The following FAT1 variants were observed in gnomAD, a reference collection of about 807,000 sequenced individuals.
FAT1 encodes the protein protocadherin Fat 1.
FAT1 carries 171 observed loss-of-function variants against 329.8 expected under a neutral mutation model. The ratio of observed to expected loss-of-function variants is 0.52; its 90% CI spans 0.46 to 0.59. FAT1 has a LOEUF of 0.59. FAT1 is among the 20% of genes least tolerant of loss of function. FAT1 has a pLI of 0.00. For missense variants in FAT1, 5,672 were observed against 5,774.4 expected (o/e 0.98, Z 0.57); for synonymous variants, 2,233 against 2,228.6 (o/e 1.00, Z -0.06).
intron 3 of FAT1, among the ~76,000 whole-genome samples, chr4:186,641,577 TC>T (rs1741098894): frequency 6.6e-6 from 1 of 152,212 alleles, no homozygotes; most frequent in Non-Finnish European, 1.5e-5. Flanking sequence ...AAAACAGTAT[TC>T]TTCTGCAGAG....
intron 1 of FAT1, among the ~76,000 whole-genome samples, chr4:186,720,533 T>C (rs1206426798): frequency 3.9e-5 from 6 of 151,918 alleles, no homozygotes; most frequent in Non-Finnish European, 7.3e-5. Flanking sequence ...TCCCCTCTGA[T>C]TCACACTTCC....
chr4:186,592,419 G>A (rs1195552753), intron 26 of FAT1, among the ~76,000 whole-genome samples: 2 of 152,068 alleles, frequency 1.3e-5, no homozygotes, highest in Admixed American at 6.6e-5. Flanking sequence ...AATTACTTCT[G>A]AACTTTTTCT....
At position 186,603,692 on chromosome 4, in the gene FAT1, G is replaced by T. The variant is rs764024153; in HGVS notation, c.10834C>A (p.Leu3612Ile). Residue 3612 changes from leucine to isoleucine, a missense_variant, in exon 19 of 27, where the codon CTC (leucine) becomes ATC (isoleucine). By Grantham distance (5) the Leu-to-Ile change is conservative. Transcript: ENST00000441802. ...TTCCCATCTGTTACGCTGACATTGAGAAGGTATTGCCCTATGTCTAGCTTT... is the reference window on the plus strand; with the variant it reads ...TTCCCATCTGTTACGCTGACATTGATAAGGTATTGCCCTATGTCTAGCTTT... ...HKKLDIGQYL[L>I]NVSVTDGKFT... 7 of 1,614,022 alleles carry T rather than the reference G, an allele frequency of 4.3e-6. No homozygotes were observed. Among genetic ancestry groups the T allele is most frequent in the Non-Finnish European group, 5.9e-6 (7 of 1,179,896 alleles).
rs148127417 is a variant in FAT1, at chr4:186,590,105, T to C, written c.13139-885A>G. Among the ~76,000 whole-genome samples the C allele has an allele frequency of 3.4e-4, 52 of 151,700 alleles. No individual in the cohort carries two copies. In the East Asian group the frequency reaches 7.5e-3, roughly 22 times the overall value. On this transcript the variant is annotated intron_variant, in intron 26 of 26. Coordinates refer to ENST00000441802, the MANE Select transcript of FAT1 (RefSeq NM_005245.4). ...AAAGGACTGTGATCCTTTTAGACTA[T>C]ATAAAGCACCACTATTTTAAAAAAA...
intron 2 of FAT1, among the ~76,000 whole-genome samples, chr4:186,688,864 C>T (rs1330240033): frequency 6.6e-6 from 1 of 151,952 alleles, no homozygotes; most frequent in Non-Finnish European, 1.5e-5. Flanking sequence ...TCGTTTAAAC[C>T]CAAGGACACA....
At chr4:186,610,354 A>C (rs758872643) in intron 14 of FAT1, among the ~76,000 whole-genome samples, 10 of 151,860 alleles carry the variant, frequency 6.6e-5, no homozygotes, top group Non-Finnish European at 1.5e-4. Context: ...TAATCAACAA[A>C]ATAAAAACGT....
In FAT1 at chr4:186,617,885, T is replaced by A. The variant is rs1286789898; in HGVS notation, c.8701A>T (p.Thr2901Ser). The change falls in exon 10 of 27, where the codon ACA (threonine) becomes TCA (serine). Residue 2901 changes from threonine to serine, a missense_variant. By Grantham distance (58) the Thr-to-Ser change is moderately conservative. Coordinates refer to ENST00000441802, the MANE Select transcript of FAT1 (RefSeq NM_005245.4). The stretch of plus-strand genomic sequence containing the variant: ...GTGACGGTAACATCCACAATGGCTG[T>A]GGAGGATAGCTGGATCTTTTCACCA... ...DHGEKIQLSS[T>S]AIVDVTVTDV... is the part of the protein sequence containing the mutation. The A allele has an allele frequency of 6.2e-7, 1 of 1,614,002 alleles. No individual in the cohort carries two copies. The highest frequency in any genetic ancestry group is 8.5e-7 in the Non-Finnish European group (1 of 1,179,886).
chr4:186,588,855 G>A lies in FAT1; in HGVS notation c.13504C>T (p.Gln4502Ter), dbSNP rs2126351375. 1 of 1,613,990 alleles carries A rather than the reference G, an allele frequency of 6.2e-7. No individual in the cohort carries two copies. The highest frequency in any genetic ancestry group is 8.5e-7 in the Non-Finnish European group (1 of 1,179,880). ...NFYPLDMSEP[Q>*]TKGTGENSTC... is the part of the protein sequence containing the mutation. ...CTATTCTCACCAGTGCCTTTTGTTT[G>A]AGGTTCAGACATATCGAGGGGATAA... The change falls in exon 27 of 27, where the codon CAA (glutamine) becomes TAA (stop). Residue 4502 changes from glutamine (Q) to a stop codon, truncating the protein, a stop_gained. Coordinates refer to ENST00000441802, the MANE Select transcript of FAT1 (RefSeq NM_005245.4). LOFTEE classifies it high-confidence loss of function.
Position 186,707,812 on chromosome 4 carries a change from C to G in FAT1, c.2016G>C (p.Leu672Phe), listed in dbSNP as rs1352963831. 2.5e-6 allele frequency: 4 copies of G among 1,613,702 alleles called. No homozygotes were observed. Among genetic ancestry groups the G allele is most frequent in the Non-Finnish European group, 3.4e-6 (4 of 1,179,890 alleles). ...TVAASHKLVN[L>F]QCEETGVAKM... ...TGGCAACACCAGTCTCTTCACACTG[C>G]AAGTTTACCAGCTTGTGACTGGCAG... Residue 672 changes from leucine (L) to phenylalanine (F), a missense_variant, in exon 2 of 27, where the codon TTG becomes TTC. By Grantham distance (22) the Leu-to-Phe change is conservative. Coordinates refer to ENST00000441802, the MANE Select transcript of FAT1 (RefSeq NM_005245.4).
intron 2 of FAT1, among the ~76,000 whole-genome samples, chr4:186,706,332 C>A (rs1390752120): frequency 2.0e-5 from 3 of 152,144 alleles, no homozygotes; most frequent in African/African-American, 7.2e-5. Context: ...GTCTTTTACT[C>A]ACTTTACGCC....
At chr4:186,616,234 A>G (rs1739703745) in intron 11 of FAT1, among the ~76,000 whole-genome samples, 1 of 152,074 alleles carries the variant, frequency 6.6e-6, no homozygotes, top group Admixed American at 6.5e-5. Context: ...AAAAGGCTCC[A>G]AAGTCCCTAT....
In FAT1 at chr4:186,621,155, T is replaced by C. The variant is rs1740026085; in HGVS notation, c.5431A>G (p.Ile1811Val). 2.5e-6 allele frequency: 4 copies of C among 1,613,828 alleles called. No individual in the cohort carries two copies. The highest frequency in any genetic ancestry group is 2.7e-5 in the African/African-American group (2 of 74,946). ...KDSNALLVYH[I>V]VEPSVHTYFA... Reference sequence around the variant, plus strand: ...TATGTGTGTACAGATGGTTCAACAATGTGATATACAAGCAAAGCATTTGAG... The same window carrying C: ...TATGTGTGTACAGATGGTTCAACAACGTGATATACAAGCAAAGCATTTGAG... Residue 1811 changes from isoleucine to valine, a missense_variant, in exon 10 of 27, where the codon ATT becomes GTT. Around this residue, in one of 2 missense-constraint regions of FAT1, gnomAD observed 3,966 missense variants for 3,915.2 expected, o/e 1.01. Coordinates refer to ENST00000441802, the MANE Select transcript of FAT1 (RefSeq NM_005245.4).
intron 3 of FAT1, among the ~76,000 whole-genome samples, chr4:186,656,731 A>C (rs780174073): frequency 2.0e-5 from 3 of 152,198 alleles, no homozygotes; most frequent in African/African-American, 7.2e-5. Flanking sequence ...GTATTTCCAC[A>C]AACTCCAGAA....
At chr4:186,595,623 T>C (rs961851696) in intron 26 of FAT1, 66 bp downstream of exon 26, 12 of 1,581,726 alleles carry the variant, frequency 7.6e-6, no homozygotes, top group Non-Finnish European at 8.7e-7. Context: ...TGCGTCTACA[T>C]TGTGAGATAA....
At chr4:186,690,656 C>T (rs1405118084) in intron 2 of FAT1, among the ~76,000 whole-genome samples, 1 of 151,970 alleles carries the variant, frequency 6.6e-6, no homozygotes, top group Non-Finnish European at 1.5e-5. Flanking sequence ...CGCTACTGCA[C>T]TCCAGCCTGG....
chr4:186,620,729 T>C lies in FAT1; in HGVS notation c.5857A>G (p.Arg1953Gly). The change falls in exon 10 of 27, where the codon AGA becomes GGA. Residue 1953 changes from arginine (R) to glycine (G), a missense_variant. By Grantham distance (125) the Arg-to-Gly change is moderately radical (BLOSUM62 -2). Transcript: ENST00000441802. Reference sequence around the variant, plus strand: ...CCGGCAAATCTGCCATCGGAAGCTCTAACGGTTAGCTCGTAGCGGCTTCTT... The same window carrying C: ...CCGGCAAATCTGCCATCGGAAGCTCCAACGGTTAGCTCGTAGCGGCTTCTT... ...QLRSRYELTV[R>G]ASDGRFAGLT... is the part of the protein sequence containing the mutation. 6.2e-7 allele frequency: 1 copy of C among 1,614,050 alleles called. No homozygotes were observed. The highest frequency in any genetic ancestry group is 8.5e-7 in the Non-Finnish European group (1 of 1,179,896).
At chr4:186,684,507 C>T (rs1402055508) in intron 2 of FAT1, among the ~76,000 whole-genome samples, 1 of 152,176 alleles carries the variant, frequency 6.6e-6, no homozygotes, top group African/African-American at 2.4e-5. Flanking sequence ...CACTGCCATG[C>T]ACAGAAAATG....
At position 186,628,741 on chromosome 4, in the gene FAT1, G is replaced by C. The variant is rs1740447073; in HGVS notation, c.4346C>G (p.Thr1449Arg). The C allele has an allele frequency of 6.2e-7, 1 of 1,613,260 alleles. No individual in the cohort carries two copies. The highest frequency in any genetic ancestry group is 8.5e-7 in the Non-Finnish European group (1 of 1,179,754). ...LTQVFIKVID[T>R]NDHRPQFSTS... Reference sequence around the variant, plus strand: ...AGAAAACTGAGGACGATGGTCATTTGTGTCTATTACTTTGATGAATACCTG... The same window carrying C: ...AGAAAACTGAGGACGATGGTCATTTCTGTCTATTACTTTGATGAATACCTG... The change falls in exon 8 of 27, where the codon ACA becomes AGA. Residue 1449 changes from threonine to arginine, a missense_variant. Coordinates refer to ENST00000441802, the MANE Select transcript of FAT1 (RefSeq NM_005245.4).
At chr4:186,602,632 T>C (rs953825428) in intron 20 of FAT1, among the ~76,000 whole-genome samples, 1 of 152,148 alleles carries the variant, frequency 6.6e-6, no homozygotes, top group Non-Finnish European at 1.5e-5. Flanking sequence ...CCAGGAAAAT[T>C]AAACTGCTAC....
Sources: gnomAD v4.1 joint callset for allele counts (sites outside exome capture counted in the v4.1 genomes callset) on GRCh38, gnomAD v4.1.1 for gene constraint, gnomAD v4.1.1 regional missense constraint, MANE v1.5 for transcripts, NCBI Gene and HGNC (gene_info 2026-07-23, HGNC 2026-07-21) for gene names.